The following LINGO2 variants were observed in gnomAD, a reference collection of about 807,000 sequenced individuals.
LINGO2 encodes the protein leucine rich repeat and Ig domain containing 2.
In LINGO2, 14 loss-of-function variants were observed where a neutral mutation model predicts 30.6. The ratio of observed to expected loss-of-function variants is 0.46; its 90% CI spans 0.30 to 0.72. The LOEUF (loss-of-function observed/expected upper bound fraction) is 0.72. Among genes scored for constraint, LINGO2 ranks in the 30% least tolerant of loss-of-function variants. The pLI is 0.07. For missense variants in LINGO2, 729 were observed against 751.7 expected (o/e 0.97, Z 0.35); for synonymous variants, 317 against 288.5 (o/e 1.10, Z -1.00).
At position 28,369,992 on chromosome 9, in the gene LINGO2, C is replaced by T. The variant is rs147012703; in HGVS notation, c.-246+2844G>A. On this transcript the variant is annotated intron_variant, in intron 3 of 5. Transcript: ENST00000379992. ...GTGTGGTGCTCAAATCTAAACACGA[C>T]ACTTTGAGTGTGAAAATATTAAACA... Among the ~76,000 whole-genome samples, 12 of 152,178 alleles carry T rather than the reference C, an allele frequency of 7.9e-5. No homozygotes were observed. In the East Asian group the frequency reaches 2.1e-3, roughly 27 times the overall value.
At chr9:29,128,988 T>C in the LINGO2 span, among the ~76,000 whole-genome samples, 1 of 152,140 alleles carries the variant, frequency 6.6e-6, no homozygotes, top group Non-Finnish European at 1.5e-5. Context: ...GAAATGTCTT[T>C]AGAATTGTCA....
chr9:28,540,395 G>A (rs1821636356), intron 1 of LINGO2, among the ~76,000 whole-genome samples: 1 of 151,706 alleles, frequency 6.6e-6, no homozygotes, highest in Admixed American at 6.6e-5. Context: ...CAAGTAGCTG[G>A]GACTACAGGA....
the LINGO2 span, among the ~76,000 whole-genome samples, chr9:28,675,922 TATAC>T: frequency 1.7e-3 from 226 of 132,042 alleles, no homozygotes; most frequent in African/African-American, 7.1e-3. Flanking sequence ...TATATATATA[TATAC>T]ATACACACAC....
intron 3 of LINGO2, among the ~76,000 whole-genome samples, chr9:28,362,980 A>G (rs867392265): frequency 2.0e-5 from 3 of 152,228 alleles, no homozygotes; most frequent in Non-Finnish European, 2.9e-5. Context: ...GTCAAAGTGT[A>G]GAGTGTGAAA....
intron 4 of LINGO2, among the ~76,000 whole-genome samples, chr9:28,056,076 G>A (rs1052768591): frequency 1.1e-4 from 17 of 152,170 alleles, no homozygotes; most frequent in South Asian, 1.0e-3. Context: ...AAAAAAGAAA[G>A]GAGCTCCCCG....
chr9:28,408,347 T>A (rs7869511), intron 2 of LINGO2, among the ~76,000 whole-genome samples: 1,549 of 152,244 alleles, frequency 0.01, 26 homozygotes, highest in African/African-American at 0.035. Context: ...ATCTTGAGTA[T>A]TATCACTATT....
At chr9:28,631,228 T>C (rs567894221) in intron 1 of LINGO2, among the ~76,000 whole-genome samples, 1 of 152,006 alleles carries the variant, frequency 6.6e-6, no homozygotes, top group Non-Finnish European at 1.5e-5. Flanking sequence ...GTTACATATG[T>C]ATACATGTGC....
At chr9:29,141,471 T>C in the LINGO2 span, among the ~76,000 whole-genome samples, 1 of 147,400 alleles carries the variant, frequency 6.8e-6, no homozygotes, top group Admixed American at 6.7e-5. Flanking sequence ...AATAACAAAA[T>C]GAAAAGAAAG....
chr9:28,676,292 G>A, the LINGO2 span, among the ~76,000 whole-genome samples: 1 of 151,850 alleles, frequency 6.6e-6, no homozygotes, highest in African/African-American at 2.4e-5. Context: ...ATAGAGAGAA[G>A]ACAGGAACAT....
intron 2 of LINGO2, among the ~76,000 whole-genome samples, chr9:28,438,008 G>A (rs1824022093): frequency 6.6e-6 from 1 of 152,118 alleles, no homozygotes; most frequent in Non-Finnish European, 1.5e-5. Context: ...GAATATGGGG[G>A]AAGTTGTAAG....
chr9:28,807,181 C>A, the LINGO2 span, among the ~76,000 whole-genome samples: 1 of 151,866 alleles, frequency 6.6e-6, no homozygotes, highest in Non-Finnish European at 1.5e-5. Flanking sequence ...CCTGTCACCA[C>A]GCCCGGCTAA....
At chr9:28,278,343 C>A (rs1279818361) in intron 4 of LINGO2, among the ~76,000 whole-genome samples, 1 of 152,130 alleles carries the variant, frequency 6.6e-6, no homozygotes, top group Admixed American at 6.5e-5. Context: ...AATAGATTTT[C>A]AATTTAGATG....
intron 4 of LINGO2, among the ~76,000 whole-genome samples, chr9:28,144,744 CA>C (rs1427368792): frequency 6.6e-6 from 1 of 152,152 alleles, no homozygotes; most frequent in Non-Finnish European, 1.5e-5. Context: ...CTCCTGCCTA[CA>C]AGGAGTTTAC....
At chr9:28,300,126 G>GAAAAAA (rs11306826) in intron 3 of LINGO2, among the ~76,000 whole-genome samples, 1 of 132,002 alleles carries the variant, frequency 7.6e-6, no homozygotes, top group Non-Finnish European at 1.6e-5. Context: ...TTTTCTAATG[G>GAAAAAA]AAAAAAAAAA....
chr9:28,029,360 A>G (rs1057472006), intron 4 of LINGO2, among the ~76,000 whole-genome samples: 4 of 152,172 alleles, frequency 2.6e-5, no homozygotes, highest in Admixed American at 2.6e-4. Context: ...TGTGGCCAAT[A>G]TATTGACAAA....
At chr9:28,513,108 C>CAT (rs1217358522) in intron 1 of LINGO2, among the ~76,000 whole-genome samples, 4 of 151,506 alleles carry the variant, frequency 2.6e-5, no homozygotes, top group Non-Finnish European at 4.4e-5. Flanking sequence ...CACACACACA[C>CAT]ACACACACAC....
chr9:28,470,524 T>G (rs74629859), intron 2 of LINGO2, among the ~76,000 whole-genome samples: 1,933 of 152,276 alleles, frequency 0.013, 34 homozygotes, highest in African/African-American at 0.044. Context: ...CTAGGCCCTC[T>G]GTCAAGATCA....
intron 1 of LINGO2, among the ~76,000 whole-genome samples, chr9:28,563,014 T>C (rs1031186085): frequency 5.9e-5 from 9 of 151,958 alleles, no homozygotes. Flanking sequence ...GCCCTGCTAA[T>C]TTTTGTATTT....
intron 1 of LINGO2, among the ~76,000 whole-genome samples, chr9:28,582,984 C>T (rs933579461): frequency 2.6e-5 from 4 of 151,936 alleles, no homozygotes; most frequent in African/African-American, 9.7e-5. Context: ...AAATTATACA[C>T]AGTATAATTC....
Sources: allele counts gnomAD v4.1 joint callset (sites outside exome capture counted in the v4.1 genomes callset), GRCh38; gene constraint gnomAD v4.1.1; transcripts MANE v1.5; gene names NCBI Gene and HGNC (gene_info 2026-07-23, HGNC 2026-07-21).